ADAMTSL3: variants seen among roughly 807,000 people sequenced by gnomAD.
ADAMTSL3 encodes the protein ADAMTS like 3.
ADAMTSL3 carries 128 observed loss-of-function variants against 201.7 expected under a neutral mutation model. That is an observed-to-expected ratio of 0.63 (90% CI 0.55 to 0.73). The LOEUF (loss-of-function observed/expected upper bound fraction) is 0.73, where lower values mean the gene tolerates loss of function less well. Ranked by LOEUF, ADAMTSL3 falls within the 30% of genes least tolerant of loss-of-function variation. The pLI, the probability that ADAMTSL3 is intolerant of heterozygous loss-of-function variation, is 0.00. For missense variants in ADAMTSL3, 1,990 were observed against 2,119.6 expected (o/e 0.94, Z 1.20); for synonymous variants, 738 against 748.4 (o/e 0.99, Z 0.23).
chr15:83,943,110 CCTT>C (rs751332515), intron 19 of ADAMTSL3, 28 bp downstream of exon 19: 1 of 1,566,368 alleles, frequency 6.4e-7, no homozygotes, highest in Admixed American at 2.0e-5. Context: ...CTTTATAGTC[CCTT>C]CTTTTCTGCC....
At chr15:83,808,461 T>A (rs2063638016) in intron 5 of ADAMTSL3, among the ~76,000 whole-genome samples, 1 of 152,184 alleles carries the variant, frequency 6.6e-6, no homozygotes, top group South Asian at 2.1e-4. Flanking sequence ...ATGATTATTA[T>A]CACAAAGACA....
At position 84,011,308 on chromosome 15, in the gene ADAMTSL3, G is replaced by A. The variant is rs185761573; in HGVS notation, c.3974-3234G>A. Among the ~76,000 whole-genome samples, 92 of 152,198 alleles carry A rather than the reference G, an allele frequency of 6.0e-4. 1 individual carries two copies. The highest frequency in any genetic ancestry group is 5.0e-3 in the South Asian group (24 of 4,826). ...GAAGGAAATTTATATACCAAAAAAAGCATCATGCTTAAGAAAGAAACATTA... is the reference window on the plus strand; with the variant it reads ...GAAGGAAATTTATATACCAAAAAAAACATCATGCTTAAGAAAGAAACATTA... On this transcript the variant is annotated intron_variant, in intron 23 of 29. Coordinates refer to ENST00000286744, the MANE Select transcript of ADAMTSL3 (RefSeq NM_207517.3).
chr15:83,897,892 G>A lies in ADAMTSL3; in HGVS notation c.1502G>A (p.Arg501Gln), dbSNP rs141028283. The A allele has an allele frequency of 4.8e-5, 78 of 1,613,224 alleles. No homozygotes were observed. The highest frequency in any genetic ancestry group is 1.8e-4 in the East Asian group (8 of 44,858). ...TVTCGRGLRY[R>Q]VVLCINHRGE... ...ACTTGTGGCCGAGGGTTACGGTACC[G>A]GGTTGTTCTGTGTATTAACCACCGC... The change falls in exon 14 of 30, where the codon CGG becomes CAG. Residue 501 changes from arginine to glutamine, a missense_variant. By Grantham distance (43) the Arg-to-Gln change is conservative (BLOSUM62 1). Transcript: ENST00000286744.
At chr15:83,658,123 CT>C in intron 2 of ADAMTSL3, among the ~76,000 whole-genome samples, 1 of 152,274 alleles carries the variant, frequency 6.6e-6, no homozygotes, top group East Asian at 1.9e-4. Flanking sequence ...CTTTTCTTTT[CT>C]TTTGAGACAT....
chr15:83,717,003 T>C (rs12908225), intron 3 of ADAMTSL3, among the ~76,000 whole-genome samples: 5,644 of 152,328 alleles, frequency 0.037, 150 homozygotes, highest in Non-Finnish European at 0.057. Flanking sequence ...CATTAAGACA[T>C]ATATTTATCA....
At chr15:84,014,849 C>T in intron 24 of ADAMTSL3, 125 bp downstream of exon 24, 1 of 953,868 alleles carries the variant, frequency 1.0e-6, no homozygotes, top group South Asian at 1.6e-5. Flanking sequence ...CCATTGCTGC[C>T]ACTGCCTGCT....
At chr15:83,926,612 AC>A (rs2066250073) in intron 17 of ADAMTSL3, among the ~76,000 whole-genome samples, 1 of 111,292 alleles carries the variant, frequency 9.0e-6, no homozygotes, top group South Asian at 2.9e-4. Context: ...GACACTAACA[AC>A]TTTTTTTTTT....
chr15:83,795,263 G>GCAACAA (rs58698546), intron 4 of ADAMTSL3, among the ~76,000 whole-genome samples: 201 of 151,008 alleles, frequency 1.3e-3, no homozygotes, highest in South Asian at 3.6e-3. Context: ...AACAGCAGCA[G>GCAACAA]CAACAACAAC....
chr15:83,958,060 G>A (rs1379156408), intron 19 of ADAMTSL3, among the ~76,000 whole-genome samples: 6 of 152,196 alleles, frequency 3.9e-5, no homozygotes, highest in African/African-American at 1.4e-4. Flanking sequence ...ATAAGTAGGT[G>A]AGGCCAAACC....
intron 4 of ADAMTSL3, among the ~76,000 whole-genome samples, chr15:83,791,501 A>G (rs893341952): frequency 3.3e-5 from 5 of 152,192 alleles, no homozygotes; most frequent in Non-Finnish European, 7.3e-5. Flanking sequence ...TCTCTTCAAT[A>G]AATGGTGTTG....
chr15:83,704,757 A>G lies in ADAMTSL3; in HGVS notation c.189+249A>G, dbSNP rs574522418. Among the ~76,000 whole-genome samples the G allele has an allele frequency of 7.9e-5, 12 of 152,348 alleles. No individual in the cohort carries two copies. The East Asian group carries it at 1.2e-3, about 15-fold the overall frequency. Reference sequence around the variant, plus strand: ...TTTTTCTTATTTTCATCAGAAATATATGATGGATTTGTTCATCTCAGCTAT... The same window carrying G: ...TTTTTCTTATTTTCATCAGAAATATGTGATGGATTTGTTCATCTCAGCTAT... On this transcript the variant is annotated intron_variant, in intron 3 of 29. Coordinates refer to ENST00000286744, the MANE Select transcript of ADAMTSL3 (RefSeq NM_207517.3).
intron 7 of ADAMTSL3, among the ~76,000 whole-genome samples, chr15:83,847,258 CT>C (rs1204941705): frequency 1.3e-5 from 2 of 152,172 alleles, no homozygotes; most frequent in African/African-American, 4.8e-5. Flanking sequence ...CCTACATTTG[CT>C]TTTTCTACTT....
intron 19 of ADAMTSL3, among the ~76,000 whole-genome samples, chr15:83,946,607 C>G (rs2066659426): frequency 1.3e-5 from 2 of 152,202 alleles, no homozygotes; most frequent in South Asian, 4.1e-4. Context: ...AATACTATTC[C>G]TCAACAGTCT....
intron 15 of ADAMTSL3, among the ~76,000 whole-genome samples, chr15:83,909,053 A>C (rs1246626728): frequency 6.6e-6 from 1 of 152,196 alleles, no homozygotes; most frequent in Admixed American, 6.5e-5. Context: ...GGTCTCATCC[A>C]TCTTTGAGCC....
Position 83,982,798 on chromosome 15 carries a change from G to A in ADAMTSL3, c.3170G>A (p.Arg1057Lys). 1 of 1,614,096 alleles carries A rather than the reference G, an allele frequency of 6.2e-7. No individual in the cohort carries two copies. The highest frequency in any genetic ancestry group is 8.5e-7 in the Non-Finnish European group (1 of 1,180,032). Residue 1057 changes from arginine to lysine, a missense_variant, in exon 21 of 30, where the codon AGA (arginine) becomes AAA (lysine). By Grantham distance (26) the Arg-to-Lys change is conservative. Coordinates refer to ENST00000286744, the MANE Select transcript of ADAMTSL3 (RefSeq NM_207517.3). Reference protein sequence around the residue: ...DDHISNQPFLRALLGHCSNSA... With the variant: ...DDHISNQPFLKALLGHCSNSA... ...CACATTAGTAACCAGCCTTTCTTGA[G>A]AGCTCTGTTAGGCCACTGCAGCAAT... is the stretch of plus-strand genomic sequence containing the variant.
Position 83,662,494 on chromosome 15 carries a change from G to A in ADAMTSL3, c.69+6664G>A, listed in dbSNP as rs555491491. On this transcript the variant is annotated intron_variant, in intron 2 of 29. Coordinates refer to ENST00000286744, the MANE Select transcript of ADAMTSL3 (RefSeq NM_207517.3). ...TAGATGACGAGTTAGTGGGTTCAGC[G>A]CACCAGCATGGCACATGTATACGTA... is the stretch of plus-strand genomic sequence containing the variant. Among the ~76,000 whole-genome samples the A allele has an allele frequency of 1.7e-4, 25 of 147,416 alleles. 1 individual carries two copies. In the South Asian group the frequency reaches 4.8e-3, roughly 28 times the overall value.
At chr15:83,762,367 C>A (rs2062821878) in intron 3 of ADAMTSL3, among the ~76,000 whole-genome samples, 6 of 152,182 alleles carry the variant, frequency 3.9e-5, no homozygotes, top group Admixed American at 3.9e-4. Flanking sequence ...GCAGTAAAGA[C>A]AACTATCTTA....
At chr15:83,975,153 T>C (rs1326109852) in intron 20 of ADAMTSL3, among the ~76,000 whole-genome samples, 7 of 151,938 alleles carry the variant, frequency 4.6e-5, no homozygotes, top group East Asian at 3.9e-4. Context: ...AGGCACCTGC[T>C]ACCATGCCCG....
At chr15:83,864,569 C>T (rs2064935491) in intron 8 of ADAMTSL3, among the ~76,000 whole-genome samples, 1 of 152,180 alleles carries the variant, frequency 6.6e-6, no homozygotes, top group South Asian at 2.1e-4. Flanking sequence ...AACAACGCTT[C>T]ATGCTAAAAA....
Sources: gnomAD v4.1 joint callset for allele counts (sites outside exome capture counted in the v4.1 genomes callset) on GRCh38, gnomAD v4.1.1 for gene constraint, MANE v1.5 for transcripts, NCBI Gene and HGNC (gene_info 2026-07-23, HGNC 2026-07-21) for gene names.